RASGRP4: variants seen among roughly 807,000 people sequenced by gnomAD.
RASGRP4 encodes the protein RAS guanyl releasing protein 4.
Under a neutral mutation model 84.4 loss-of-function variants are expected in RASGRP4, and 52 were observed. The observed-to-expected ratio is 0.62, with a 90% CI of 0.49 to 0.78. RASGRP4 has a LOEUF of 0.78. RASGRP4 is among the 30% of genes least tolerant of loss of function. The probability of loss-of-function intolerance (pLI) is 0.00; values close to 1 mark genes in which losing one functional copy is unlikely to be tolerated. For synonymous variants in RASGRP4, 356 were observed against 359.1 expected, an observed-to-expected ratio of 0.99 and a Z score of 0.10; for missense variants, 760 against 886.9, an observed-to-expected ratio of 0.86 and a Z score of 1.82.
rs867203738 is a variant in RASGRP4 at position 38,424,696 on chromosome 19, G to A, written c.23+1373C>T. ...GTTCTCCTTGTCTTATCCTCCCAAA[G>A]TGCTGGGATTAGAGGCATGAGCCAT... On this transcript the variant is annotated intron_variant, in intron 1 of 16. Transcript: ENST00000615439. Among the ~76,000 whole-genome samples the A allele has an allele frequency of 5.3e-5, 8 of 151,768 alleles. 1 individual carries two copies. The South Asian group carries it at 1.5e-3, about 28-fold the overall frequency.
In RASGRP4 at chr19:38,410,743, A is replaced by G. The variant is rs1176135155; in HGVS notation, c.1965+143T>C. On this transcript the variant is annotated intron_variant, in intron 16 of 16. Coordinates refer to ENST00000615439, the MANE Select transcript of RASGRP4 (RefSeq NM_170604.3). ...TTTCTATCAATATTAAAAAGTAACC[A>G]GTATCCATACCCTCCTACCCCAGCA... The G allele has an allele frequency of 4.8e-6, 3 of 631,316 alleles. No individual in the cohort carries two copies. The East Asian group carries it at 8.3e-5, about 17-fold the overall frequency. The allele number at this position is 631,316 out of a possible 1,614,324, so 39.1% of individuals were successfully genotyped here.
Position 38,411,342 on chromosome 19 carries a change from C to A in RASGRP4, c.1717+3G>T, listed in dbSNP as rs954773051. The A allele has an allele frequency of 3.1e-6, 5 of 1,603,850 alleles. No homozygotes were observed. Among genetic ancestry groups the A allele is most frequent in the Non-Finnish European group, 4.3e-6 (5 of 1,175,058 alleles). ...CCCTCCCACTCACTGACACCCCACTCACCCCGACAGCGGTAGCCTTGCTTG... is the reference window on the plus strand; with the variant it reads ...CCCTCCCACTCACTGACACCCCACTAACCCCGACAGCGGTAGCCTTGCTTG... On this transcript the variant is annotated splice_donor_region_variant and intron_variant, in intron 14 of 16. Coordinates refer to ENST00000615439, the MANE Select transcript of RASGRP4 (RefSeq NM_170604.3).
chr19:38,413,258 C>T lies in RASGRP4; in HGVS notation c.1351G>A (p.Ala451Thr). 1 of 1,613,802 alleles carries T rather than the reference C, an allele frequency of 6.2e-7. No homozygotes were observed. Among genetic ancestry groups the T allele is most frequent in the Non-Finnish European group, 8.5e-7 (1 of 1,179,858 alleles). Residue 451 changes from alanine (A) to threonine (T), a missense_variant, in exon 11 of 17, where the codon GCC becomes ACC. Coordinates refer to ENST00000615439, the MANE Select transcript of RASGRP4 (RefSeq NM_170604.3). The surrounding 1 kb of genome is among the most constrained non-coding windows in gnomAD (Gnocchi z 4.7). The stretch of plus-strand genomic sequence containing the variant: ...TCCGGCTTGGGTGTCACACCAGGGG[C>T]CCACTCCACCACCAGAGGTGCATTG... ...PFNAPLVVEW[A>T]PGVTPKPDRV...
chr19:38,420,268 A>G lies in RASGRP4; in HGVS notation c.378-6T>C. On this transcript the variant is annotated splice_polypyrimidine_tract_variant and splice_region_variant and intron_variant, in intron 4 of 16. Coordinates refer to ENST00000615439, the MANE Select transcript of RASGRP4 (RefSeq NM_170604.3). ...GGTGTCGCATCAGCCAGTACCTGAG[A>G]GTGGTTTGGAGATGGTGAGATGAGG... is the stretch of plus-strand genomic sequence containing the variant. 2 of 1,612,058 alleles carry G rather than the reference A, an allele frequency of 1.2e-6. No homozygotes were observed. The highest frequency in any genetic ancestry group is 1.7e-6 in the Non-Finnish European group (2 of 1,179,210).
Position 38,426,166 on chromosome 19 carries a change from A to T in RASGRP4, c.-75T>A, listed in dbSNP as rs1407001396. 8.3e-7 allele frequency: 1 copy of T among 1,199,464 alleles called. No homozygotes were observed. The highest frequency in any genetic ancestry group is 1.1e-6 in the Non-Finnish European group (1 of 938,750). The allele number at this position is 1,199,464 out of a possible 1,614,324, so 74.3% of individuals were successfully genotyped here. A position where few individuals can be genotyped will look rare whatever the true frequency, so the allele number is the denominator to read the frequency against. On this transcript the variant is annotated 5_prime_UTR_variant, in exon 1 of 17. Coordinates refer to ENST00000615439, the MANE Select transcript of RASGRP4 (RefSeq NM_170604.3). ...AGCTCCTCCCCTTGCCCAGGACTCC[A>T]GCTTCTCAGCCCCTAGGGAGCTGGG...
Position 38,420,977 on chromosome 19 carries a change from T to A in RASGRP4, c.315-7A>T, listed in dbSNP as rs538244302. The A allele has an allele frequency of 2.2e-5, 35 of 1,613,928 alleles. No individual in the cohort carries two copies. The African/African-American group carries it at 4.3e-4, about 20-fold the overall frequency. On this transcript the variant is annotated splice_region_variant and splice_polypyrimidine_tract_variant and intron_variant, in intron 3 of 16. Coordinates refer to ENST00000615439, the MANE Select transcript of RASGRP4 (RefSeq NM_170604.3). ...CCCTGTGGCCTTCTGGTATTTGAGT[T>A]CTGGTCAAGGCTCTGTTTTCCAGGA...
chr19:38,416,368 C>A (rs1971499436), intron 8 of RASGRP4, among the ~76,000 whole-genome samples: 1 of 145,238 alleles, frequency 6.9e-6, no homozygotes, highest in African/African-American at 2.6e-5. Flanking sequence ...GAGGCTGGGG[C>A]AGGAGAATTA....
In RASGRP4 at chr19:38,421,219, T is replaced by C. The variant is rs377183211; in HGVS notation, c.209-19A>G. 3 of 1,564,352 alleles carry C rather than the reference T, an allele frequency of 1.9e-6. No individual in the cohort carries two copies. The highest frequency in any genetic ancestry group is 2.6e-6 in the Non-Finnish European group (3 of 1,135,624). On this transcript the variant is annotated intron_variant, in intron 2 of 16. Transcript: ENST00000615439. ...GCTGAATCTGGGGTGGAAGGAGGGG[T>C]ACTCTGTGACAGAATGGCCCTCAAG...
chr19:38,415,262 C>G (rs1971451820), intron 8 of RASGRP4, 139 bp from the exon 9 acceptor site: 2 of 707,970 alleles, frequency 2.8e-6, no homozygotes, highest in Non-Finnish European at 4.5e-6. Context: ...CCATGCCGGT[C>G]TCAGCATCTC....
chr19:38,418,100 T>G lies in RASGRP4; in HGVS notation c.837+291A>C, dbSNP rs996234368. Among the ~76,000 whole-genome samples the G allele has an allele frequency of 2.0e-5, 3 of 151,366 alleles. No individual in the cohort carries two copies. The highest frequency in any genetic ancestry group is 4.4e-5 in the Non-Finnish European group (3 of 67,882). ...TCCATGCCCCACAAAGGTGGGGGCA[T>G]GGAAGAGACACTCTCATTGACCTGG... On this transcript the variant is annotated intron_variant, in intron 7 of 16. Transcript: ENST00000615439. This position sits in a 1 kb window ranked among gnomAD's most constrained non-coding sequence, Gnocchi z 4.6.
intron 1 of RASGRP4, among the ~76,000 whole-genome samples, chr19:38,422,597 C>T (rs889200614): frequency 6.7e-6 from 1 of 148,154 alleles, no homozygotes; most frequent in South Asian, 2.1e-4. Flanking sequence ...ATCTAGGCTG[C>T]GTGCTGTTTA....
At chr19:38,416,965 G>A (rs1013295501) in intron 8 of RASGRP4, 87 bp downstream of exon 8, 1 of 784,066 alleles carries the variant, frequency 1.3e-6, no homozygotes, top group East Asian at 2.7e-5. Flanking sequence ...GGACCCCTGG[G>A]CAGGAATGGA....
At position 38,418,514 on chromosome 19, in the gene RASGRP4, C is replaced by T. The variant is rs1971603177; in HGVS notation, c.714G>A (p.Pro238=). Residue 238 remains proline, a synonymous_variant, in exon 7 of 17, where the codon CCG becomes CCA. Coordinates refer to ENST00000615439, the MANE Select transcript of RASGRP4 (RefSeq NM_170604.3). The surrounding 1 kb of genome is among the most constrained non-coding windows in gnomAD (Gnocchi z 4.6). ...YVLQGSVRGC[P]ALEGSVGLSN... ...TGAGACCTACGGAGCCCTCCAGGGCCGGGCAGCCTCGTACTGAGCCCTGCA... is the reference window on the plus strand; with the variant it reads ...TGAGACCTACGGAGCCCTCCAGGGCTGGGCAGCCTCGTACTGAGCCCTGCA... The T allele has an allele frequency of 1.3e-6, 2 of 1,553,890 alleles. No homozygotes were observed. Among genetic ancestry groups the T allele is most frequent in the Non-Finnish European group, 8.7e-7 (1 of 1,149,286 alleles).
chr19:38,416,965 G>T (rs1013295501), intron 8 of RASGRP4, 87 bp downstream of exon 8: 3 of 784,062 alleles, frequency 3.8e-6, no homozygotes, highest in Non-Finnish European at 6.7e-6. Context: ...GGACCCCTGG[G>T]CAGGAATGGA....
chr19:38,418,606 GC>G lies in RASGRP4; in HGVS notation c.664-43del, dbSNP rs1313059676. 5 of 1,457,016 alleles carry G rather than the reference GC, an allele frequency of 3.4e-6. No individual in the cohort carries two copies. In the South Asian group the frequency reaches 7.0e-5, roughly 20 times the overall value. 90.3% of individuals were successfully genotyped at this position (1,457,016 alleles called of 1,614,324 possible). A position where few individuals can be genotyped will look rare whatever the true frequency, so the allele number is the denominator to read the frequency against. ...TGTCAAGGTGGGCCGTGGCGCTCAG[GC>G]CCTGCCCTTCCATGGCATCCAACTA... On this transcript the variant is annotated intron_variant, in intron 6 of 16. Coordinates refer to ENST00000615439, the MANE Select transcript of RASGRP4 (RefSeq NM_170604.3). This position sits in a 1 kb window ranked among gnomAD's most constrained non-coding sequence, Gnocchi z 4.6.
rs756231469 is a variant in RASGRP4, at chr19:38,414,877, C to T, written c.1201G>A (p.Ala401Thr). 30 of 1,600,668 alleles carry T rather than the reference C, an allele frequency of 1.9e-5. No homozygotes were observed. Among genetic ancestry groups the T allele is most frequent in the East Asian group, 6.8e-5 (3 of 44,300 alleles). ...AGCAGGTGCAGCAGATCCTCATTGGCGCTGCAGGGTGGATGCTGCCCTTGG... is the reference window on the plus strand; with the variant it reads ...AGCAGGTGCAGCAGATCCTCATTGGTGCTGCAGGGTGGATGCTGCCCTTGG... ...ALQGQHPPCS[A>T]NEDLLHLLTL... Residue 401 changes from alanine to threonine, a missense_variant, in exon 9 of 17, where the codon GCC becomes ACC. Ala to Thr is a moderately conservative substitution (Grantham distance 58, BLOSUM62 0). Coordinates refer to ENST00000615439, the MANE Select transcript of RASGRP4 (RefSeq NM_170604.3).
At position 38,417,077 on chromosome 19, in the gene RASGRP4, G is replaced by A; in HGVS notation, c.929C>T (p.Ala310Val). The change falls in exon 8 of 17, where the codon GCC becomes GTC. Residue 310 changes from alanine to valine, a missense_variant. By Grantham distance (64) the Ala-to-Val change is moderately conservative. Transcript: ENST00000615439. The surrounding 1 kb of genome is among the most constrained non-coding windows in gnomAD (Gnocchi z 5.1). ...SAISRLKDSH[A>V]HLSPDSTKAL... ...CTTGGTGCTGTCAGGGCTCAGGTGG[G>A]CATGGGAGTCCTTGAGTCTGGAGAT... 3 of 1,559,138 alleles carry A rather than the reference G, an allele frequency of 1.9e-6. No individual in the cohort carries two copies. The highest frequency in any genetic ancestry group is 2.6e-6 in the Non-Finnish European group (3 of 1,150,524).
Position 38,413,885 on chromosome 19 carries a change from G to GA in RASGRP4, c.1231-412dup, listed in dbSNP as rs1382141443. Among the ~76,000 whole-genome samples, 1 of 152,086 alleles carries GA rather than the reference G, an allele frequency of 6.6e-6. No homozygotes were observed. Among genetic ancestry groups the GA allele is most frequent in the South Asian group, 2.1e-4 (1 of 4,824 alleles). ...TACTTGAGTCATTGGAGGAAGTGGGGAAAAAACATGTTACTTAAATAGAAT... is the reference window on the plus strand; with the variant it reads ...TACTTGAGTCATTGGAGGAAGTGGGGAAAAAAACATGTTACTTAAATAGAAT... On this transcript the variant is annotated intron_variant, in intron 9 of 16. Coordinates refer to ENST00000615439, the MANE Select transcript of RASGRP4 (RefSeq NM_170604.3). The surrounding 1 kb of genome is among the most constrained non-coding windows in gnomAD (Gnocchi z 4.7).
At position 38,411,186 on chromosome 19, in the gene RASGRP4, G is replaced by T. The variant is rs1343729491; in HGVS notation, c.1781C>A (p.Pro594Gln). The change falls in exon 15 of 17, where the codon CCA becomes CAA. Residue 594 changes from proline (P) to glutamine (Q), a missense_variant. Coordinates refer to ENST00000615439, the MANE Select transcript of RASGRP4 (RefSeq NM_170604.3). ...GGGTCCTGCATCGCCCTTGGCCCCT[G>T]GCCTCTTCTTACATTCTACCTTCAC... ...DQVKVECKKR[P>Q]GAKGDAGPPG... 1 of 1,613,938 alleles carries T rather than the reference G, an allele frequency of 6.2e-7. No individual in the cohort carries two copies.
Sources: allele counts gnomAD v4.1 joint callset (sites outside exome capture counted in the v4.1 genomes callset), GRCh38; gene constraint gnomAD v4.1.1; non-coding constraint Gnocchi (gnomAD v3.1); transcripts MANE v1.5; gene names NCBI Gene and HGNC (gene_info 2026-07-23, HGNC 2026-07-21).